Variants in CCDC149 observed in about 807,000 individuals in gnomAD.
The protein encoded by CCDC149 is coiled-coil domain containing 149.
Under a neutral mutation model 59.9 loss-of-function variants are expected in CCDC149, and 45 were observed. The ratio of observed to expected loss-of-function variants is 0.75; its 90% CI spans 0.59 to 0.96. The LOEUF is 0.96. Ranked by LOEUF, CCDC149 falls within the 40% of genes least tolerant of loss-of-function variation. The pLI, the probability that CCDC149 is intolerant of heterozygous loss-of-function variation, is 0.00. For synonymous variants in CCDC149, 245 were observed against 260.6 expected (o/e 0.94, Z 0.58); for missense variants, 584 against 664.7 (o/e 0.88, Z 1.33).
chr4:24,919,516 G>T (rs1722223623), intron 1 of CCDC149, among the ~76,000 whole-genome samples: 1 of 152,224 alleles, frequency 6.6e-6, no homozygotes, highest in South Asian at 2.1e-4. Context: ...CGGGCAGGGG[G>T]TGGGAACTGA....
chr4:24,845,902 T>C (rs1164887493), intron 4 of CCDC149, among the ~76,000 whole-genome samples: 1 of 152,210 alleles, frequency 6.6e-6, no homozygotes, highest in Non-Finnish European at 1.5e-5. Context: ...ATCTTTAGTG[T>C]CCCATCAAGC....
chr4:24,949,464 C>T (rs1723214904), intron 1 of CCDC149, among the ~76,000 whole-genome samples: 1 of 151,952 alleles, frequency 6.6e-6, no homozygotes, highest in Non-Finnish European at 1.5e-5. Flanking sequence ...GGGGGACTCC[C>T]TCATCTGTCA....
intron 1 of CCDC149, among the ~76,000 whole-genome samples, chr4:24,958,879 G>A (rs1229711912): frequency 6.6e-6 from 1 of 151,900 alleles, no homozygotes; most frequent in Admixed American, 6.6e-5. Flanking sequence ...TAAAATTATA[G>A]CCAGGTGTGG....
rs1230739219 is a variant in CCDC149, at chr4:24,837,208, G to A, written c.662+20C>T. On this transcript the variant is annotated intron_variant, in intron 6 of 12. Coordinates refer to ENST00000635206, the MANE Select transcript of CCDC149 (RefSeq NM_001330643.2). The surrounding 1 kb of genome is among the most constrained non-coding windows in gnomAD (Gnocchi z 4.3). ...GAGCCAGCCTTCCTCCCACGCACAGGCCTGGGCCTGGCCACTTGCCTGTTC... is the reference window on the plus strand; with the variant it reads ...GAGCCAGCCTTCCTCCCACGCACAGACCTGGGCCTGGCCACTTGCCTGTTC... The A allele has an allele frequency of 1.2e-6, 2 of 1,613,396 alleles. No individual in the cohort carries two copies. Among genetic ancestry groups the A allele is most frequent in the Non-Finnish European group, 8.5e-7 (1 of 1,179,498 alleles).
intron 2 of CCDC149, among the ~76,000 whole-genome samples, chr4:24,875,313 G>A (rs1719343517): frequency 6.7e-6 from 1 of 150,032 alleles, no homozygotes; most frequent in Admixed American, 6.6e-5. Flanking sequence ...CTGGGCCACA[G>A]AGCGAGAATC....
intron 1 of CCDC149, among the ~76,000 whole-genome samples, chr4:24,898,734 T>C (rs1720987522): frequency 6.6e-6 from 1 of 152,082 alleles, no homozygotes; most frequent in East Asian, 1.9e-4. Context: ...TCTTCCCAAA[T>C]GCAATGTACC....
chr4:24,834,333 G>A (rs1420015036), intron 8 of CCDC149, among the ~76,000 whole-genome samples: 1 of 152,132 alleles, frequency 6.6e-6, no homozygotes, highest in South Asian at 2.1e-4. Flanking sequence ...AGAAGCCAGC[G>A]TGCTGCTATT....
At chr4:24,931,829 G>GTATATATATGTATATATATATATA (rs60585956) in intron 1 of CCDC149, among the ~76,000 whole-genome samples, 2,507 of 76,584 alleles carry the variant, frequency 0.033, 107 homozygotes, top group Non-Finnish European at 0.042. Context: ...TGGAGAGTAT[G>GTATATATATGTATATATATATATA]TATATATATA....
intron 1 of CCDC149, among the ~76,000 whole-genome samples, chr4:24,904,246 TAAA>T (rs1041539185): frequency 6.6e-6 from 1 of 152,200 alleles, no homozygotes; most frequent in Non-Finnish European, 1.5e-5. Context: ...AAGGTGTTCT[TAAA>T]AAGATAGAAG....
intron 3 of CCDC149, among the ~76,000 whole-genome samples, chr4:24,869,969 G>A (rs1018100047): frequency 6.6e-6 from 1 of 152,128 alleles, no homozygotes; most frequent in African/African-American, 2.4e-5. Flanking sequence ...CACTGGCCCA[G>A]CCAGACTGGA....
At chr4:24,858,910 T>C (rs1167913455) in intron 3 of CCDC149, among the ~76,000 whole-genome samples, 2 of 152,230 alleles carry the variant, frequency 1.3e-5, no homozygotes, top group African/African-American at 4.8e-5. Flanking sequence ...TCTTGCAGCA[T>C]TTCTTTAAGC....
chr4:24,960,250 G>T (rs937964224), intron 1 of CCDC149, among the ~76,000 whole-genome samples: 1 of 151,910 alleles, frequency 6.6e-6, no homozygotes, highest in Non-Finnish European at 1.5e-5. Context: ...AAACAAAAAA[G>T]ATAATATAAT....
intron 3 of CCDC149, 51 bp from the exon 4 acceptor site, chr4:24,853,230 G>T: frequency 1.5e-6 from 2 of 1,348,478 alleles, no homozygotes; most frequent in Non-Finnish European, 2.1e-6. Context: ...AGGAGTGGAT[G>T]AATGCAGGGC....
intron 1 of CCDC149, among the ~76,000 whole-genome samples, chr4:24,962,256 A>G (rs553396979): frequency 1.8e-3 from 276 of 152,212 alleles, no homozygotes; most frequent in African/African-American, 6.1e-3. Context: ...CAAAACCGCA[A>G]TGAGATACCA....
chr4:24,851,483 C>G (rs1304033851), intron 4 of CCDC149, among the ~76,000 whole-genome samples: 1 of 152,078 alleles, frequency 6.6e-6, no homozygotes, highest in African/African-American at 2.4e-5. Context: ...CTAAAATTCT[C>G]ATACCTAAAA....
intron 11 of CCDC149, chr4:24,820,286 A>G: frequency 3.7e-6 from 1 of 272,940 alleles, no homozygotes; most frequent in Non-Finnish European, 7.0e-6. Flanking sequence ...AGATTCTTGG[A>G]GGGGGTGATA....
At chr4:24,833,019 C>T (rs1435475595) in intron 8 of CCDC149, among the ~76,000 whole-genome samples, 1 of 152,108 alleles carries the variant, frequency 6.6e-6, no homozygotes, top group Non-Finnish European at 1.5e-5. Flanking sequence ...TCTTTTTCTA[C>T]CCTAGGGTCA....
chr4:24,971,564 G>A (rs1014447000), intron 1 of CCDC149, among the ~76,000 whole-genome samples: 3 of 152,220 alleles, frequency 2.0e-5, no homozygotes, highest in African/African-American at 7.2e-5. Context: ...CCCTGCTAAT[G>A]CTGTACGTTC....
At position 24,974,099 on chromosome 4, in the gene CCDC149, T is replaced by G. The variant is rs144181135; in HGVS notation, c.-65+5970A>C. Among the ~76,000 whole-genome samples, 55 of 152,356 alleles carry G rather than the reference T, an allele frequency of 3.6e-4. 1 individual carries two copies. The East Asian group carries it at 8.5e-3, about 23-fold the overall frequency. ...AACAAATCCTGCAAAGGAGAGCGCC[T>G]GTGTGCGGCCCACTGTCTAACTAGG... is the stretch of plus-strand genomic sequence containing the variant. On this transcript the variant is annotated intron_variant, in intron 1 of 12. Transcript: ENST00000389609.
Sources: gnomAD v4.1 joint callset for allele counts (sites outside exome capture counted in the v4.1 genomes callset) on GRCh38, gnomAD v4.1.1 for gene constraint, Gnocchi (gnomAD v3.1) non-coding constraint, MANE v1.5 for transcripts, NCBI Gene and HGNC (gene_info 2026-07-23, HGNC 2026-07-21) for gene names.